Variants in CROCC observed in about 807,000 individuals in gnomAD.
CROCC encodes rootletin.
In CROCC, 180 loss-of-function variants were observed where a neutral mutation model predicts 245.2. The ratio of observed to expected loss-of-function variants is 0.73; its 90% CI spans 0.65 to 0.83. CROCC has a LOEUF of 0.83. Ranked by LOEUF, CROCC falls within the 40% of genes least tolerant of loss-of-function variation. The pLI is 0.00. For synonymous variants in CROCC, 1,205 were observed against 1,241.6 expected, an observed-to-expected ratio of 0.97 and a Z score of 0.62; for missense variants, 2,688 against 2,779.4, an observed-to-expected ratio of 0.97 and a Z score of 0.74.
At chr1:16,915,687 A>G (rs2075295111) in intron 1 of CROCC, among the ~76,000 whole-genome samples, 1 of 152,150 alleles carries the variant, frequency 6.6e-6, no homozygotes, top group African/African-American at 2.4e-5. Context: ...CATGTTGGAG[A>G]AAATGGAACA....
intron 19 of CROCC, 91 bp downstream of exon 19, chr1:16,949,017 C>T (rs1331643446): frequency 2.6e-5 from 39 of 1,524,340 alleles, no homozygotes; most frequent in Non-Finnish European, 2.8e-5. Flanking sequence ...GTTGGGAGCA[C>T]TGGAGTAGGA....
chr1:16,952,167 A>T (rs1213086560), intron 20 of CROCC, among the ~76,000 whole-genome samples: 2 of 146,326 alleles, frequency 1.4e-5, no homozygotes, highest in Non-Finnish European at 3.0e-5. Context: ...GATTACAGGC[A>T]TGAGCTACGG....
upstream of CROCC, chr1:16,921,839 C>T (rs2075411653): frequency 4.8e-6 from 3 of 623,824 alleles, no homozygotes; most frequent in East Asian, 3.0e-5. Context: ...CTTTCCCATC[C>T]CCTCCCTCCT....
rs898151366 is a variant in CROCC, at chr1:16,946,321, C to T, written c.2199C>T (p.Ser733=). Residue 733 remains serine, a synonymous_variant, in exon 16 of 37, where the codon TCC becomes TCT. Coordinates refer to ENST00000375541, the MANE Select transcript of CROCC (RefSeq NM_014675.5). The part of the protein sequence containing the change: ...SMTKLRAEEA[S]LQDSLSKLSA... ...CCAAGCTGAGGGCAGAGGAGGCCTC[C>T]CTGCAGGACTCCCTGTCCAAGCTGA... 6.2e-7 allele frequency: 1 copy of T among 1,613,444 alleles called. No individual in the cohort carries two copies. The highest frequency in any genetic ancestry group is 1.3e-5 in the African/African-American group (1 of 74,958).
At position 16,971,533 on chromosome 1, in the gene CROCC, G is replaced by C; in HGVS notation, c.5853G>C (p.Gln1951His). 1 of 1,536,994 alleles carries C rather than the reference G, an allele frequency of 6.5e-7. No individual in the cohort carries two copies. The highest frequency in any genetic ancestry group is 1.2e-5 in the South Asian group (1 of 83,932). ...TGGAGGTGGATGCGCAGCAGCAGCA[G>C]CTGGAGCTGCAGCAGGAGGTGGAGC... ...AQLEVDAQQQ[Q>H]LELQQEVERL... is the part of the protein sequence containing the mutation. The change falls in exon 36 of 37, where the codon CAG becomes CAC. Residue 1951 changes from glutamine to histidine, a missense_variant. By Grantham distance (24) the Gln-to-His change is conservative. Transcript: ENST00000375541.
rs1235738286 is a variant in CROCC, at chr1:16,969,299, A to C, written c.5260A>C (p.Lys1754Gln). The change falls in exon 32 of 37, where the codon AAG becomes CAG. Residue 1754 changes from lysine (K) to glutamine (Q), a missense_variant. Lys to Gln is a moderately conservative substitution (Grantham distance 53). Around this residue, in one of 9 missense-constraint regions of CROCC, gnomAD observed 1,218 missense variants for 1,286.3 expected, o/e 0.95. Coordinates refer to ENST00000375541, the MANE Select transcript of CROCC (RefSeq NM_014675.5). The stretch of plus-strand genomic sequence containing the variant: ...CCGGGACAAGAACCTGCATCTGCAG[A>C]AGGCTCTGACCGCCTGTGAACATGA... ...STRDKNLHLQKALTACEHDRQ... is the reference protein window; with the variant it reads ...STRDKNLHLQQALTACEHDRQ... The C allele has an allele frequency of 1.2e-6, 2 of 1,612,412 alleles. No individual in the cohort carries two copies. The highest frequency in any genetic ancestry group is 4.5e-5 in the East Asian group (2 of 44,880).
At chr1:16,916,230 A>G (rs1195088787) in intron 1 of CROCC, among the ~76,000 whole-genome samples, 1 of 152,054 alleles carries the variant, frequency 6.6e-6, no homozygotes, top group Admixed American at 6.6e-5. Flanking sequence ...TGAGGTGGGA[A>G]AAGTGGAGTG....
chr1:16,945,013 G>A (rs1425249219), intron 14 of CROCC, among the ~76,000 whole-genome samples: 2 of 152,386 alleles, frequency 1.3e-5, no homozygotes, highest in East Asian at 3.8e-4. Flanking sequence ...CAGGCAGATC[G>A]CCTGAGGTCA....
intron 13 of CROCC, among the ~76,000 whole-genome samples, chr1:16,942,470 T>G (rs1475089747): frequency 5.3e-5 from 8 of 152,280 alleles, no homozygotes; most frequent in African/African-American, 1.4e-4. Context: ...CCTAATTCAT[T>G]TAGGGCACTG....
At chr1:16,946,137 G>A (rs1416434247) in intron 15 of CROCC, 122 bp from the exon 16 acceptor site, 215 of 1,117,298 alleles carry the variant, frequency 1.9e-4, no homozygotes, top group South Asian at 3.8e-4. Context: ...CTCACACTGT[G>A]TCCCCTCCTT....
chr1:16,962,640 C>G (rs2076352861), intron 27 of CROCC, among the ~76,000 whole-genome samples: 1 of 149,200 alleles, frequency 6.7e-6, no homozygotes, highest in Non-Finnish European at 1.5e-5. Flanking sequence ...TCCCAAAGTG[C>G]TGGGATTAAA....
chr1:16,951,068 G>C lies in CROCC; in HGVS notation c.2952G>C (p.Leu984=). 1 of 1,601,548 alleles carries C rather than the reference G, an allele frequency of 6.2e-7. No individual in the cohort carries two copies. The highest frequency in any genetic ancestry group is 8.5e-7 in the Non-Finnish European group (1 of 1,175,202). Residue 984 remains leucine, a synonymous_variant, in exon 20 of 37, where the codon CTG becomes CTC. Transcript: ENST00000375541. ...VQAEREAQAS[L]REQRAAHEED... ...CTGAGCGGGAGGCCCAGGCCTCTCT[G>C]CGGGAGCAGCGGGCAGCTCACGAGG...
chr1:16,952,796 C>T (rs2076184607), intron 20 of CROCC, among the ~76,000 whole-genome samples: 1 of 152,238 alleles, frequency 6.6e-6, no homozygotes, highest in Non-Finnish European at 1.5e-5. Flanking sequence ...CAACCCCAAT[C>T]CCTCTTCCAC....
chr1:16,964,801 G>GCTTCT (rs2076392815), intron 27 of CROCC, among the ~76,000 whole-genome samples: 1 of 152,206 alleles, frequency 6.6e-6, no homozygotes, highest in Non-Finnish European at 1.5e-5. Context: ...TCCAACCTCA[G>GCTTCT]CTTCTCGAAT....
At position 16,922,665 on chromosome 1, in the gene CROCC, A is replaced by G. The variant is rs747062500; in HGVS notation, c.63A>G (p.Thr21=). ...VELTLETVIQ[T]LESSVLCQEK... ...AGACCCTCTCGCTTTTCCCACAGACACTGGAGAGCAGCGTCCTGTGCCAGG... is the reference window on the plus strand; with the variant it reads ...AGACCCTCTCGCTTTTCCCACAGACGCTGGAGAGCAGCGTCCTGTGCCAGG... The change falls in exon 2 of 37, where the codon ACA becomes ACG. Residue 21 remains threonine, a splice_region_variant and synonymous_variant. Coordinates refer to ENST00000375541, the MANE Select transcript of CROCC (RefSeq NM_014675.5). 1.5e-5 allele frequency: 24 copies of G among 1,604,746 alleles called. No homozygotes were observed. The highest frequency in any genetic ancestry group is 2.0e-5 in the Non-Finnish European group (23 of 1,175,754).
chr1:16,932,568 A>C (rs936959707), intron 8 of CROCC, among the ~76,000 whole-genome samples: 14 of 152,256 alleles, frequency 9.2e-5, no homozygotes, highest in Non-Finnish European at 2.1e-4. Context: ...CACTTTGTGG[A>C]GATGGAATTT....
rs1331264723 is a variant in CROCC at position 16,922,690 on chromosome 1, G to C, written c.88G>C (p.Glu30Gln). 2.5e-6 allele frequency: 4 copies of C among 1,613,158 alleles called. No homozygotes were observed. Among genetic ancestry groups the C allele is most frequent in the East Asian group, 4.5e-5 (2 of 44,882 alleles). The change falls in exon 2 of 37, where the codon GAG becomes CAG. Residue 30 changes from glutamate to glutamine, a missense_variant. By Grantham distance (29) the Glu-to-Gln change is conservative (BLOSUM62 2). Around this residue, in one of 9 missense-constraint regions of CROCC, gnomAD observed 972 missense variants for 895.3 expected, o/e 1.09. Transcript: ENST00000375541. ...QTLESSVLCQ[E>Q]KGLGARDLAQ... ...ACTGGAGAGCAGCGTCCTGTGCCAGGAGAAAGGCTTGGGCGCGCGGGACCT... is the reference window on the plus strand; with the variant it reads ...ACTGGAGAGCAGCGTCCTGTGCCAGCAGAAAGGCTTGGGCGCGCGGGACCT...
At chr1:16,943,776 G>A (rs1369393206) in intron 13 of CROCC, among the ~76,000 whole-genome samples, 2 of 152,280 alleles carry the variant, frequency 1.3e-5, no homozygotes, top group African/African-American at 4.8e-5. Context: ...CTGGTCACAT[G>A]GCCTAGCAGA....
intron 8 of CROCC, among the ~76,000 whole-genome samples, chr1:16,932,627 T>C (rs1465907179): frequency 1.2e-4 from 18 of 152,154 alleles, no homozygotes; most frequent in Admixed American, 5.9e-4. Context: ...CAGCAGGCGC[T>C]CCAAGCAGGA....
Sources: allele counts gnomAD v4.1 joint callset (sites outside exome capture counted in the v4.1 genomes callset), GRCh38; gene constraint gnomAD v4.1.1; regional missense constraint gnomAD v4.1.1; transcripts MANE v1.5; gene names NCBI Gene and HGNC (gene_info 2026-07-23, HGNC 2026-07-21).